The following PREX2 variants were observed in gnomAD, a reference collection of about 807,000 sequenced individuals.
The protein encoded by PREX2 is phosphatidylinositol 3,4,5-trisphosphate-dependent Rac exchanger 2 protein.
PREX2 carries 107 observed loss-of-function variants against 203.2 expected under a neutral mutation model. That is an observed-to-expected ratio of 0.53 (90% CI 0.45 to 0.62). The LOEUF is 0.62. PREX2 is among the 20% of genes least tolerant of loss of function. The probability of loss-of-function intolerance (pLI) is 0.00; values close to 1 mark genes in which losing one functional copy is unlikely to be tolerated. For synonymous variants in PREX2, 672 were observed against 663.6 expected (o/e 1.01, Z -0.19); for missense variants, 1,777 against 1,955.9 (o/e 0.91, Z 1.72).
rs144418656 is a variant in PREX2, at chr8:68,160,182, A to C, written c.4346+2746A>C. Among the ~76,000 whole-genome samples the C allele has an allele frequency of 1.4e-4, 21 of 152,282 alleles. No homozygotes were observed. The East Asian group carries it at 4.1e-3, about 29-fold the overall frequency. ...TCTTAGTCCAATGGTATGATCTCCA[A>C]GTAATCAGAAACCTATATTCACATC... On this transcript the variant is annotated intron_variant, in intron 35 of 39. Coordinates refer to ENST00000288368, the MANE Select transcript of PREX2 (RefSeq NM_024870.4).
At chr8:68,132,544 A>C (rs1811028503) in intron 31 of PREX2, among the ~76,000 whole-genome samples, 1 of 152,036 alleles carries the variant, frequency 6.6e-6, no homozygotes, top group African/African-American at 2.4e-5. Flanking sequence ...TTACAGTGAA[A>C]CCGAGTATCA....
At chr8:68,105,065 G>A (rs968660335) in intron 23 of PREX2, 9 of 1,161,804 alleles carry the variant, frequency 7.7e-6, no homozygotes, top group East Asian at 4.8e-5. Context: ...TGTTTACAGG[G>A]CCATTTGCAC....
At chr8:68,006,409 C>T (rs769693484) in intron 1 of PREX2, among the ~76,000 whole-genome samples, 5 of 152,194 alleles carry the variant, frequency 3.3e-5, no homozygotes, top group Admixed American at 6.5e-5. Context: ...AAACCTAAAT[C>T]CCACTGCATT....
chr8:68,165,517 C>T (rs1289451947), intron 35 of PREX2, among the ~76,000 whole-genome samples: 3 of 151,974 alleles, frequency 2.0e-5, no homozygotes, highest in Non-Finnish European at 4.4e-5. Flanking sequence ...TCCCCAGAAC[C>T]AGAAGTTGCT....
At chr8:68,014,307 G>C (rs1188206464) in intron 1 of PREX2, among the ~76,000 whole-genome samples, 1 of 152,092 alleles carries the variant, frequency 6.6e-6, no homozygotes, top group African/African-American at 2.4e-5. Flanking sequence ...GCAAGTTAAA[G>C]AGAAAATAAA....
intron 30 of PREX2, among the ~76,000 whole-genome samples, chr8:68,126,829 G>C (rs1427982150): frequency 6.6e-6 from 1 of 151,848 alleles, no homozygotes; most frequent in Non-Finnish European, 1.5e-5. Context: ...GTGGGTTGGA[G>C]TTGGAAGAAG....
chr8:68,036,608 C>A (rs1014476205), intron 6 of PREX2, among the ~76,000 whole-genome samples: 1 of 149,616 alleles, frequency 6.7e-6, no homozygotes, highest in Non-Finnish European at 1.5e-5. Context: ...TTTTTTTTTT[C>A]TCCAAATCTT....
intron 9 of PREX2, 125 bp downstream of exon 9, chr8:68,053,371 C>T: frequency 9.9e-7 from 1 of 1,011,726 alleles, no homozygotes; most frequent in Non-Finnish European, 1.5e-6. Context: ...TAGGTTGGTG[C>T]AAAAGTTATT....
chr8:68,214,549 A>G (rs1158627614), intron 37 of PREX2, among the ~76,000 whole-genome samples: 1 of 152,190 alleles, frequency 6.6e-6, no homozygotes, highest in Non-Finnish European at 1.5e-5. Flanking sequence ...GACTCTGAGT[A>G]TATATTTATG....
intron 22 of PREX2, among the ~76,000 whole-genome samples, chr8:68,098,938 G>GTATA (rs71253061): frequency 0.071 from 7,709 of 108,328 alleles, 361 homozygotes; most frequent in Non-Finnish European, 0.076. Flanking sequence ...ATATATATGT[G>GTATA]TATATATATA....
At position 68,053,092 on chromosome 8, in the gene PREX2, T is replaced by A. The variant is rs1808568789; in HGVS notation, c.944-5T>A. 1 of 1,610,932 alleles carries A rather than the reference T, an allele frequency of 6.2e-7. No individual in the cohort carries two copies. On this transcript the variant is annotated splice_region_variant and splice_polypyrimidine_tract_variant and intron_variant, in intron 8 of 39. Coordinates refer to ENST00000288368, the MANE Select transcript of PREX2 (RefSeq NM_024870.4). ...GTTCATTTGCCTTTACCCATTAATT[T>A]ACAGCTGATTTCCATAGCAGTGGAC...
chr8:67,996,222 G>T (rs1806760348), intron 1 of PREX2, among the ~76,000 whole-genome samples: 1 of 151,884 alleles, frequency 6.6e-6, no homozygotes, highest in Non-Finnish European at 1.5e-5. Context: ...TGGAGACAGG[G>T]TCTTGCTCTG....
At chr8:68,207,339 C>T (rs1296785503) in intron 37 of PREX2, among the ~76,000 whole-genome samples, 2 of 152,152 alleles carry the variant, frequency 1.3e-5, no homozygotes, top group African/African-American at 2.4e-5. Flanking sequence ...GCATTGATCA[C>T]TTCCCAGAAT....
rs767999767 is a variant in PREX2, at chr8:68,083,235, C to A, written c.1879-5C>A. The A allele has an allele frequency of 6.4e-7, 1 of 1,574,566 alleles. No homozygotes were observed. Among genetic ancestry groups the A allele is most frequent in the African/African-American group, 1.4e-5 (1 of 73,800 alleles). ...TTGACTTATTTTTTGTAATTTCTCT[C>A]TTAGATGGCTGGCATGGAAGTCGGG... On this transcript the variant is annotated splice_polypyrimidine_tract_variant and splice_region_variant and intron_variant, in intron 17 of 39. Transcript: ENST00000288368.
At chr8:67,958,706 A>T (rs1805554460) in intron 1 of PREX2, among the ~76,000 whole-genome samples, 1 of 152,302 alleles carries the variant, frequency 6.6e-6, no homozygotes, top group East Asian at 1.9e-4. Context: ...ACGCCCAACT[A>T]TGAGGGCTTT....
At chr8:67,993,620 C>T (rs1182318009) in intron 1 of PREX2, among the ~76,000 whole-genome samples, 3 of 152,064 alleles carry the variant, frequency 2.0e-5, no homozygotes, top group Non-Finnish European at 4.4e-5. Flanking sequence ...GTTGGCCAGG[C>T]TGGTATCGAA....
At chr8:68,105,041 G>A in intron 23 of PREX2, 1 of 891,338 alleles carries the variant, frequency 1.1e-6, no homozygotes, top group Non-Finnish European at 1.6e-6. Context: ...TTGCTAAAAA[G>A]ATAGGCAGAT....
intron 37 of PREX2, among the ~76,000 whole-genome samples, chr8:68,213,811 G>A (rs960482414): frequency 2.0e-5 from 3 of 152,162 alleles, no homozygotes; most frequent in African/African-American, 7.2e-5. Flanking sequence ...ACTCTAAGCA[G>A]AGCCATTACT....
At chr8:68,195,727 C>T (rs1049792839) in intron 37 of PREX2, among the ~76,000 whole-genome samples, 1 of 152,186 alleles carries the variant, frequency 6.6e-6, no homozygotes, top group Non-Finnish European at 1.5e-5. Context: ...ATAAATATTA[C>T]ACAAGCCATT....
Sources: gnomAD v4.1 joint callset for allele counts (sites outside exome capture counted in the v4.1 genomes callset) on GRCh38, gnomAD v4.1.1 for gene constraint, MANE v1.5 for transcripts, NCBI Gene and HGNC (gene_info 2026-07-23, HGNC 2026-07-21) for gene names.